NUP54: variants seen among roughly 807,000 people sequenced by gnomAD.
NUP54 encodes nucleoporin p54.
NUP54 carries 27 observed loss-of-function variants against 66.4 expected under a neutral mutation model. That is an observed-to-expected ratio of 0.41 (90% CI 0.30 to 0.56). NUP54 has a LOEUF of 0.56. Among genes scored for constraint, NUP54 ranks in the 20% least tolerant of loss-of-function variants. NUP54 has a pLI of 0.34. For missense variants in NUP54, 486 were observed against 596.3 expected (o/e 0.82, Z 1.93); for synonymous variants, 206 against 210.7 (o/e 0.98, Z 0.19).
At chr4:76,133,316 T>C (rs552851739) in intron 5 of NUP54, among the ~76,000 whole-genome samples, 9 of 152,076 alleles carry the variant, frequency 5.9e-5, no homozygotes, top group Admixed American at 3.9e-4. Context: ...GTATTTGTTT[T>C]TTTTTTTGAG....
At chr4:76,125,336 A>ACGCG (rs1238783900) in intron 8 of NUP54, among the ~76,000 whole-genome samples, 254 of 127,098 alleles carry the variant, frequency 2.0e-3, no homozygotes, top group African/African-American at 3.1e-3. Context: ...ACACACACAC[A>ACGCG]CACACACACA....
rs188197299 is a variant in NUP54 at position 76,139,984 on chromosome 4, T to C, written c.296-3572A>G. On this transcript the variant is annotated intron_variant, in intron 3 of 11. Coordinates refer to ENST00000264883, the MANE Select transcript of NUP54 (RefSeq NM_017426.4). ...AACAGAAACCAGATTGGCGAATAGT[T>C]TGTAAAGGGGAGGAGAGTGGTAGCT... 1.1e-3 allele frequency among the ~76,000 whole-genome samples: 161 copies of C among 152,312 alleles called. 1 individual carries two copies. Among genetic ancestry groups the C allele is most frequent in the Non-Finnish European group, 1.7e-3 (118 of 68,034 alleles).
chr4:76,117,815 G>A, intron 10 of NUP54, 41 bp from the exon 11 acceptor site: 1 of 1,469,080 alleles, frequency 6.8e-7, no homozygotes, highest in Non-Finnish European at 9.5e-7. Context: ...TGCCGACGAA[G>A]ACTTGTAAAA....
At position 76,115,526 on chromosome 4, in the gene NUP54, T is replaced by A. The variant is rs78589941; in HGVS notation, c.1396-32A>T. ...CAAATTAAGAAACAACATATTAATG[T>A]ATTAATTTCTTAAAACTGCAAGCTA... On this transcript the variant is annotated intron_variant, in intron 11 of 11. Coordinates refer to ENST00000264883, the MANE Select transcript of NUP54 (RefSeq NM_017426.4). The A allele has an allele frequency of 1.1e-3, 1,736 of 1,544,408 alleles. 19 individuals are homozygous for A. The African/African-American group carries it at 0.021, about 19-fold the overall frequency.
chr4:76,142,129 T>TA (rs1578694493), intron 3 of NUP54, among the ~76,000 whole-genome samples: 1 of 152,256 alleles, frequency 6.6e-6, no homozygotes, highest in East Asian at 1.9e-4. Flanking sequence ...CCCATTTTCC[T>TA]AAAAAAACCA....
intron 9 of NUP54, among the ~76,000 whole-genome samples, chr4:76,123,812 C>A (rs956675851): frequency 6.6e-6 from 1 of 152,204 alleles, no homozygotes; most frequent in Admixed American, 6.5e-5. Context: ...CTGTGCCCGG[C>A]CCATGCAGTA....
In NUP54 at chr4:76,124,763, A is replaced by T. The variant is rs1338495742; in HGVS notation, c.1057-7T>A. 2.1e-6 allele frequency: 2 copies of T among 970,048 alleles called. No individual in the cohort carries two copies. The highest frequency in any genetic ancestry group is 1.4e-5 in the South Asian group (1 of 71,256). The allele number at this position is 970,048 out of a possible 1,614,324, so 60.1% of individuals were successfully genotyped here. A position where few individuals can be genotyped will look rare whatever the true frequency, so the allele number is the denominator to read the frequency against. Reference sequence around the variant, plus strand: ...TAATATCTTCAGATATGATCTGTTTAAAAAAAAATTGGGGGGGGGAGGGTT... The same window carrying T: ...TAATATCTTCAGATATGATCTGTTTTAAAAAAAATTGGGGGGGGGAGGGTT... On this transcript the variant is annotated splice_polypyrimidine_tract_variant and splice_region_variant and intron_variant, in intron 8 of 11. Coordinates refer to ENST00000264883, the MANE Select transcript of NUP54 (RefSeq NM_017426.4).
At position 76,118,378 on chromosome 4, in the gene NUP54, A is replaced by G. The variant is rs62299341; in HGVS notation, c.1165-184T>C. ...AGGCAAAAGTTATCATATAAATACA[A>G]TGATATAGACTTAATTGTTTTTTTT... is the stretch of plus-strand genomic sequence containing the variant. On this transcript the variant is annotated intron_variant, in intron 9 of 11. Transcript: ENST00000264883. 144 of 586,260 alleles carry G rather than the reference A, an allele frequency of 2.5e-4. 1 individual carries two copies. The African/African-American group carries it at 2.6e-3, about 10-fold the overall frequency. 36.3% of individuals were successfully genotyped at this position (586,260 alleles called of 1,614,324 possible). A position where few individuals can be genotyped will look rare whatever the true frequency, so the allele number is the denominator to read the frequency against.
intron 9 of NUP54, among the ~76,000 whole-genome samples, chr4:76,123,567 C>T (rs1251202831): frequency 6.6e-6 from 1 of 151,914 alleles, no homozygotes; most frequent in Non-Finnish European, 1.5e-5. Flanking sequence ...GGCTGGAGTG[C>T]AGTGGCGTGA....
chr4:76,126,715 A>T (rs1360315365), intron 8 of NUP54, among the ~76,000 whole-genome samples: 1 of 152,268 alleles, frequency 6.6e-6, no homozygotes, highest in Non-Finnish European at 1.5e-5. Flanking sequence ...GGAATATTTT[A>T]AAATTATTTT....
rs1002301750 is a variant in NUP54 at position 76,124,580 on chromosome 4, T to G, written c.1164+69A>C. On this transcript the variant is annotated intron_variant, in intron 9 of 11. Coordinates refer to ENST00000264883, the MANE Select transcript of NUP54 (RefSeq NM_017426.4). Reference sequence around the variant, plus strand: ...AGTATTTTTTTTTCTATTTTAAAAATCTATATTTAGTACATTATTTCACAC... The same window carrying G: ...AGTATTTTTTTTTCTATTTTAAAAAGCTATATTTAGTACATTATTTCACAC... 2.5e-4 allele frequency: 138 copies of G among 547,018 alleles called. 2 individuals are homozygous for G. The highest frequency in any genetic ancestry group is 6.4e-5 in the Non-Finnish European group (20 of 310,894). 33.9% of individuals were successfully genotyped at this position (547,018 alleles called of 1,614,324 possible). A position where few individuals can be genotyped will look rare whatever the true frequency, so the allele number is the denominator to read the frequency against.
rs59098375 is a variant in NUP54 at position 76,120,421 on chromosome 4, CTTTTTTTTT to C, written c.1165-2236_1165-2228del. 1.3e-4 allele frequency among the ~76,000 whole-genome samples: 15 copies of C among 117,782 alleles called. No individual in the cohort carries two copies. In the South Asian group the frequency reaches 2.7e-3, roughly 21 times the overall value. The allele number at this position is 117,782 out of a possible 152,430, so 77.3% of individuals were successfully genotyped here. On this transcript the variant is annotated intron_variant, in intron 9 of 11. Coordinates refer to ENST00000264883, the MANE Select transcript of NUP54 (RefSeq NM_017426.4). ...CAACCGCATGAGTGTAAAGGGATCTCTTTTTTTTTTTTTTTTTTTTTTTCCCCAGATGGA... is the reference window on the plus strand; with the variant it reads ...CAACCGCATGAGTGTAAAGGGATCTCTTTTTTTTTTTTTTCCCCAGATGGA...
In NUP54 at chr4:76,124,762, TA is replaced by T. The variant is rs765112328; in HGVS notation, c.1057-7del. The T allele has an allele frequency of 5.0e-4, 316 of 636,014 alleles. No homozygotes were observed. Among genetic ancestry groups the T allele is most frequent in the Admixed American group, 5.5e-4 (18 of 32,540 alleles). The allele number at this position is 636,014 out of a possible 1,614,324, so 39.4% of individuals were successfully genotyped here. A position where few individuals can be genotyped will look rare whatever the true frequency, so the allele number is the denominator to read the frequency against. ...CTAATATCTTCAGATATGATCTGTTTAAAAAAAAATTGGGGGGGGGAGGGTT... is the reference window on the plus strand; with the variant it reads ...CTAATATCTTCAGATATGATCTGTTTAAAAAAAATTGGGGGGGGGAGGGTT... On this transcript the variant is annotated splice_polypyrimidine_tract_variant and splice_region_variant and intron_variant, in intron 8 of 11. Transcript: ENST00000264883.
intron 9 of NUP54, among the ~76,000 whole-genome samples, chr4:76,120,812 T>A (rs1015390235): frequency 6.6e-6 from 1 of 152,220 alleles, no homozygotes; most frequent in Non-Finnish European, 1.5e-5. Context: ...AGAACTATTT[T>A]GCATTTGCTT....
chr4:76,132,968 C>T (rs573020451), intron 5 of NUP54, among the ~76,000 whole-genome samples: 1 of 151,272 alleles, frequency 6.6e-6, no homozygotes, highest in East Asian at 1.9e-4. Flanking sequence ...CCCACCTCAG[C>T]CTCCAAGTAA....
Position 76,144,379 on chromosome 4 carries a change from T to C in NUP54, c.151+11A>G, listed in dbSNP as rs765307154. On this transcript the variant is annotated intron_variant, in intron 2 of 11. Transcript: ENST00000264883. ...ATTTACTTCTATGAATGACTTAAGA[T>C]GGCCTCTTACCAGTAGTGCCTGTGT... 8.7e-6 allele frequency: 14 copies of C among 1,602,008 alleles called. No homozygotes were observed. The East Asian group carries it at 2.9e-4, about 33-fold the overall frequency.
intron 9 of NUP54, among the ~76,000 whole-genome samples, chr4:76,119,571 T>A (rs1006820029): frequency 6.7e-6 from 1 of 149,544 alleles, no homozygotes; most frequent in African/African-American, 2.5e-5. Flanking sequence ...AGAGATGAGG[T>A]CTCCCGATGT....
At chr4:76,135,343 G>T (rs948943207) in intron 4 of NUP54, among the ~76,000 whole-genome samples, 4 of 152,040 alleles carry the variant, frequency 2.6e-5, no homozygotes, top group Non-Finnish European at 5.9e-5. Flanking sequence ...ATTAACTCAA[G>T]TGTACATTAT....
intron 7 of NUP54, chr4:76,130,995 G>A (rs1278776553): frequency 1.3e-5 from 8 of 599,110 alleles, no homozygotes; most frequent in Admixed American, 3.1e-5. Flanking sequence ...AGAATTTTCC[G>A]CTCCTAGTTA....
Sources: gnomAD v4.1 joint callset for allele counts (sites outside exome capture counted in the v4.1 genomes callset) on GRCh38, gnomAD v4.1.1 for gene constraint, MANE v1.5 for transcripts, NCBI Gene and HGNC (gene_info 2026-07-23, HGNC 2026-07-21) for gene names.